CDKN2A: variants seen among roughly 807,000 people sequenced by gnomAD.
The protein encoded by CDKN2A is cyclin dependent kinase inhibitor 2A, also known as cyclin-dependent kinase inhibitor 2A.
CDKN2A carries 3 observed loss-of-function variants against 11.1 expected under a neutral mutation model. The ratio of observed to expected loss-of-function variants is 0.27; its 90% CI spans 0.12 to 0.70. CDKN2A has a LOEUF of 0.70. CDKN2A is among the 30% of genes least tolerant of loss of function. CDKN2A has a pLI of 0.77. For synonymous variants in CDKN2A, 122 were observed against 108.1 expected, an observed-to-expected ratio of 1.13 and a Z score of -0.80; for missense variants, 265 against 233.6, an observed-to-expected ratio of 1.13 and a Z score of -0.88.
At chr9:21,973,349 T>G (rs1280238211) in intron 1 of CDKN2A, among the ~76,000 whole-genome samples, 1 of 152,212 alleles carries the variant, frequency 6.6e-6, no homozygotes, top group Non-Finnish European at 1.5e-5. Flanking sequence ...TAAATAAATG[T>G]TCCTATATTA....
chr9:21,975,321 A>C (rs1406508656), upstream of CDKN2A, among the ~76,000 whole-genome samples: 1 of 151,962 alleles, frequency 6.6e-6, no homozygotes, highest in African/African-American at 2.4e-5. Flanking sequence ...CAACCTTCCT[A>C]ACTGCCAAAT....
rs554982751 is a variant in CDKN2A, at chr9:21,970,478, G to A, written c.457+424C>T. On this transcript the variant is annotated intron_variant, in intron 2 of 2. Coordinates refer to ENST00000304494, the MANE Select transcript of CDKN2A (RefSeq NM_000077.5). Reference sequence around the variant, plus strand: ...GATGATGCCACGCACAATTGGGTTTGGAAATCCTGAGGTTGGTCCAGCCAG... The same window carrying A: ...GATGATGCCACGCACAATTGGGTTTAGAAATCCTGAGGTTGGTCCAGCCAG... 74 of 405,942 alleles carry A rather than the reference G, an allele frequency of 1.8e-4. 2 individuals carry two copies. The Admixed American group carries it at 2.5e-3, about 13-fold the overall frequency. The allele number at this position is 405,942 out of a possible 1,614,324, so 25.1% of individuals were successfully genotyped here.
At chr9:21,978,225 A>G (rs957974859), upstream of CDKN2A, among the ~76,000 whole-genome samples, 16 of 152,060 alleles carry the variant, frequency 1.1e-4, no homozygotes, top group Admixed American at 2.6e-4. Flanking sequence ...TATGTAACAA[A>G]CCTGCACATT....
At chr9:21,974,890 C>T (rs1819973887), upstream of CDKN2A, 1 of 1,461,806 alleles carries the variant, frequency 6.8e-7, no homozygotes, top group South Asian at 1.4e-5. This position sits in a 1 kb window ranked among gnomAD's most constrained non-coding sequence, Gnocchi z 5.2. Context: ...GCACGCGGTC[C>T]GCCCCACCCT....
At chr9:21,978,165 C>T (rs1413389089), upstream of CDKN2A, among the ~76,000 whole-genome samples, 1 of 150,642 alleles carries the variant, frequency 6.6e-6, no homozygotes, top group Non-Finnish European at 1.5e-5. Context: ...ATACCTAATG[C>T]TAAATGATGA....
chr9:21,976,208 G>A (rs1396897006), upstream of CDKN2A, among the ~76,000 whole-genome samples: 9 of 151,870 alleles, frequency 5.9e-5, no homozygotes, highest in Non-Finnish European at 7.4e-5. Flanking sequence ...GTGACACCCC[G>A]TCTCTACTAA....
chr9:21,971,290 C>T lies in CDKN2A; in HGVS notation c.151-82G>A, dbSNP rs565411704. On this transcript the variant is annotated intron_variant, in intron 1 of 2. Coordinates refer to ENST00000304494, the MANE Select transcript of CDKN2A (RefSeq NM_000077.5). ...AAGCTTGTGTAGAGCCCCCTCACCGCCAAGCAGACCCCCACACAAGCCCCA... is the reference window on the plus strand; with the variant it reads ...AAGCTTGTGTAGAGCCCCCTCACCGTCAAGCAGACCCCCACACAAGCCCCA... 2.6e-4 allele frequency: 399 copies of T among 1,538,558 alleles called. 1 individual carries two copies. The East Asian group carries it at 7.9e-3, about 30-fold the overall frequency.
Position 21,974,584 on chromosome 9 carries a change from G to A in CDKN2A, c.150+94C>T, listed in dbSNP as rs2131110631. On this transcript the variant is annotated intron_variant, in intron 1 of 2. Transcript: ENST00000304494. This position sits in a 1 kb window ranked among gnomAD's most constrained non-coding sequence, Gnocchi z 5.2. Reference sequence around the variant, plus strand: ...CCAGGAAGCCTCCCCTTTTTCCGGAGAATCGAAGCGCTACCTGATTCCAAT... The same window carrying A: ...CCAGGAAGCCTCCCCTTTTTCCGGAAAATCGAAGCGCTACCTGATTCCAAT... 1 of 1,613,868 alleles carries A rather than the reference G, an allele frequency of 6.2e-7. No individual in the cohort carries two copies. Among genetic ancestry groups the A allele is most frequent in the Non-Finnish European group, 8.5e-7 (1 of 1,179,994 alleles).
At chr9:21,978,241 C>A (rs1322324471), upstream of CDKN2A, among the ~76,000 whole-genome samples, 1 of 151,810 alleles carries the variant, frequency 6.6e-6, no homozygotes, top group Non-Finnish European at 1.5e-5. Flanking sequence ...ACATTGTGCA[C>A]ATGTACTCTA....
At chr9:21,993,095 C>G (rs544035770) in intron 2 of CDKN2A, among the ~76,000 whole-genome samples, 1 of 152,256 alleles carries the variant, frequency 6.6e-6, no homozygotes, top group South Asian at 2.1e-4. Context: ...ATTAACATTG[C>G]AGTAAAAAAA....
At chr9:21,983,370 T>C (rs1391117494) in intron 2 of CDKN2A, among the ~76,000 whole-genome samples, 1 of 152,116 alleles carries the variant, frequency 6.6e-6, no homozygotes, top group Non-Finnish European at 1.5e-5. Flanking sequence ...ATTGTGAATA[T>C]TATGCAATTT....
intron 2 of CDKN2A, among the ~76,000 whole-genome samples, chr9:21,984,945 C>T (rs1179372323): frequency 6.6e-6 from 1 of 151,966 alleles, no homozygotes; most frequent in Non-Finnish European, 1.5e-5. Context: ...AGAAAATTTT[C>T]TTGTGTTAGA....
rs2034808029 is a variant in CDKN2A, at chr9:21,994,698, C to T, written c.-176+123G>A. On this transcript the variant is annotated intron_variant, in intron 1 of 3. Transcript: ENST00000494262. Reference sequence around the variant, plus strand: ...TCCCGCCCTGTGTGCGCCCCCACCCCCACCACCATCTTCCCACCCTCAGCG... The same window carrying T: ...TCCCGCCCTGTGTGCGCCCCCACCCTCACCACCATCTTCCCACCCTCAGCG... 3 of 262,086 alleles carry T rather than the reference C, an allele frequency of 1.1e-5. No homozygotes were observed. In the East Asian group the frequency reaches 1.9e-4, roughly 17 times the overall value. The allele number at this position is 262,086 out of a possible 1,614,324, so 16.2% of individuals were successfully genotyped here. A position where few individuals can be genotyped will look rare whatever the true frequency, so the allele number is the denominator to read the frequency against.
rs1819525372 is a variant in CDKN2A, at chr9:21,968,587, G to A, written c.458-345C>T. 6.8e-7 allele frequency: 1 copy of A among 1,473,472 alleles called. No individual in the cohort carries two copies. 91.3% of individuals were successfully genotyped at this position (1,473,472 alleles called of 1,614,324 possible). On this transcript the variant is annotated intron_variant, in intron 2 of 2. Coordinates refer to ENST00000304494, the MANE Select transcript of CDKN2A (RefSeq NM_000077.5). The surrounding 1 kb of genome is among the most constrained non-coding windows in gnomAD (Gnocchi z 4.7). ...AGTGGTTGCTCACAATGCCAGGCGC[G>A]AAGGCGTGAAGATGTGGCCTTTCCC...
intron 2 of CDKN2A, among the ~76,000 whole-genome samples, chr9:21,980,669 T>A (rs1820150493): frequency 6.6e-6 from 1 of 151,886 alleles, no homozygotes; most frequent in South Asian, 2.1e-4. Flanking sequence ...ATCAATATAT[T>A]TGCTTCTCTG....
Position 21,968,092 on chromosome 9 carries a change from A to AT in CDKN2A, c.*136dup. On this transcript the variant is annotated 3_prime_UTR_variant, in exon 3 of 3. Transcript: ENST00000304494. The surrounding 1 kb of genome is among the most constrained non-coding windows in gnomAD (Gnocchi z 4.7). ...ATATATCTACGTTAAAAGGCAGGAC[A>AT]TTTTTAAAAGCTCTATTTTCTAAAT... 2 of 794,246 alleles carry AT rather than the reference A, an allele frequency of 2.5e-6. No homozygotes were observed. Among genetic ancestry groups the AT allele is most frequent in the African/African-American group, 1.7e-5 (1 of 59,074 alleles). 49.2% of individuals were successfully genotyped at this position (794,246 alleles called of 1,614,324 possible).
chr9:21,994,092 A>G, intron 1 of CDKN2A: 4 of 1,579,176 alleles, frequency 2.5e-6, no homozygotes, highest in Non-Finnish European at 3.4e-6. Flanking sequence ...CACACCAAAC[A>G]AAACAAGTGC....
chr9:21,985,599 G>A (rs749305353), intron 2 of CDKN2A, among the ~76,000 whole-genome samples: 1 of 151,820 alleles, frequency 6.6e-6, no homozygotes, highest in Non-Finnish European at 1.5e-5. Context: ...ATTATTCTGG[G>A]TTATTAGATA....
chr9:21,991,969 A>T lies in CDKN2A; in HGVS notation c.-4+1913T>A. On this transcript the variant is annotated intron_variant, in intron 2 of 3. Coordinates refer to the CDKN2A transcript ENST00000494262. This position sits in a 1 kb window ranked among gnomAD's most constrained non-coding sequence, Gnocchi z 5.2. ...TATAAACAAATGAATATTTAACTTC[A>T]TAATAAAAATATGACTATTTTGTAA... 1.0e-6 allele frequency: 1 copy of T among 982,658 alleles called. No individual in the cohort carries two copies. The highest frequency in any genetic ancestry group is 1.2e-6 in the Non-Finnish European group (1 of 827,346). 60.9% of individuals were successfully genotyped at this position (982,658 alleles called of 1,614,324 possible). A position where few individuals can be genotyped will look rare whatever the true frequency, so the allele number is the denominator to read the frequency against.
Sources: gnomAD v4.1 joint callset for allele counts (sites outside exome capture counted in the v4.1 genomes callset) on GRCh38, gnomAD v4.1.1 for gene constraint, Gnocchi (gnomAD v3.1) non-coding constraint, MANE v1.5 for transcripts, NCBI Gene and HGNC (gene_info 2026-07-23, HGNC 2026-07-21) for gene names.